CDH15: variants seen among roughly 807,000 people sequenced by gnomAD.
CDH15 encodes cadherin-15.
CDH15 carries 73 observed loss-of-function variants against 69.4 expected under a neutral mutation model. That is an observed-to-expected ratio of 1.05 (90% confidence interval 0.87 to 1.28). CDH15 has a LOEUF of 1.28. CDH15 is among the 50% of genes most tolerant of loss of function. The pLI is 0.00. For missense variants in CDH15, 1,343 were observed against 1,133.6 expected, an observed-to-expected ratio of 1.18 and a Z score of -2.65; for synonymous variants, 624 against 507.7, an observed-to-expected ratio of 1.23 and a Z score of -3.08.
intron 4 of CDH15, among the ~76,000 whole-genome samples, chr16:89,184,646 GTGCGTCCTCTGTTTTATCCTTCCCC>G (rs1915443523): frequency 6.6e-6 from 1 of 151,716 alleles, no homozygotes; most frequent in African/African-American, 2.4e-5. Context: ...TATCCTGTCC[GTGCGTCCTCTGTTTTATCCTTCCCC>G]TGCGTCCTCT....
chr16:89,185,306 C>G lies in CDH15; in HGVS notation c.636C>G (p.Arg212=). ...TCGACGAGCTCACAGGAGAGATCCG[C>G]ACAGTGCAAGTGGGGCTGGACCGCG... ...FSIDELTGEI[R]TVQVGLDREV... is the part of the protein sequence containing the mutation. The change falls in exon 5 of 14, where the codon CGC becomes CGG. Residue 212 remains arginine, a synonymous_variant. Coordinates refer to ENST00000289746, the MANE Select transcript of CDH15 (RefSeq NM_004933.3). 6.2e-7 allele frequency: 1 copy of G among 1,605,578 alleles called. No individual in the cohort carries two copies. Among genetic ancestry groups the G allele is most frequent in the Non-Finnish European group, 8.5e-7 (1 of 1,176,412 alleles).
At chr16:89,185,891 A>ATG (rs1460177863) in intron 5 of CDH15, 1 of 195,832 alleles carries the variant, frequency 5.1e-6, no homozygotes, top group African/African-American at 2.4e-5. Flanking sequence ...TGCTCTGTAA[A>ATG]CACCCAGCGC....
intron 13 of CDH15, 112 bp downstream of exon 13, chr16:89,194,025 T>A: frequency 8.1e-7 from 1 of 1,227,196 alleles, no homozygotes. Flanking sequence ...CATGCACTTA[T>A]GGGCCGTCCC....
chr16:89,184,673 G>A (rs1043597869), intron 4 of CDH15, among the ~76,000 whole-genome samples: 1 of 151,858 alleles, frequency 6.6e-6, no homozygotes, highest in African/African-American at 2.4e-5. Context: ...TCCTTCCCCT[G>A]CGTCCTCTGC....
At chr16:89,191,133 ATGTG>A (rs56851226) in intron 8 of CDH15, among the ~76,000 whole-genome samples, 193 bp from the exon 9 acceptor site, 16,122 of 151,298 alleles carry the variant, frequency 0.11, 1,293 homozygotes, top group Admixed American at 0.24. Context: ...ATGCCCATGT[ATGTG>A]TATGTGGTGT....
chr16:89,175,319 G>A (rs1204124495), intron 1 of CDH15, among the ~76,000 whole-genome samples: 1 of 152,230 alleles, frequency 6.6e-6, no homozygotes, highest in Non-Finnish European at 1.5e-5. Context: ...TCAGCCGTGT[G>A]GGGTTCCTAG....
At position 89,188,160 on chromosome 16, in the gene CDH15, G is replaced by A. The variant is rs1475336062; in HGVS notation, c.853G>A (p.Asp285Asn). ...GVDVGRLEVE[D>N]RDLPGSPNWV... ...GGATGTGGGACGCCTGGAAGTGGAG[G>A]ACAGGGACCTGCCAGGCTCCCCAAA... Residue 285 changes from aspartate to asparagine, a missense_variant, in exon 7 of 14, where the codon GAC becomes AAC. Physicochemically the swap from Asp to Asn is conservative, Grantham distance 23. Coordinates refer to ENST00000289746, the MANE Select transcript of CDH15 (RefSeq NM_004933.3). 1 of 1,613,478 alleles carries A rather than the reference G, an allele frequency of 6.2e-7. No individual in the cohort carries two copies. Among genetic ancestry groups the A allele is most frequent in the South Asian group, 1.1e-5 (1 of 90,990 alleles).
At position 89,195,145 on chromosome 16, in the gene CDH15, G is replaced by C. The variant is rs758154809; in HGVS notation, c.2435G>C (p.Arg812Pro). The change falls in exon 14 of 14, where the codon CGG (arginine) becomes CCG (proline). Residue 812 changes from arginine to proline, a missense_variant. Arg to Pro is a moderately radical substitution (Grantham distance 103). Transcript: ENST00000289746. ...PGALLPRHRG[R>P]TA ...GCACTGCTACCCAGACACAGAGGCC[G>C]GACAGCCTGACCCTGGGGCGCAACT... is the stretch of plus-strand genomic sequence containing the variant. The C allele has an allele frequency of 1.9e-6, 3 of 1,591,916 alleles. No individual in the cohort carries two copies. Among genetic ancestry groups the C allele is most frequent in the Non-Finnish European group, 2.6e-6 (3 of 1,169,164 alleles).
chr16:89,190,656 G>A (rs558032915), intron 8 of CDH15, among the ~76,000 whole-genome samples, 160 bp downstream of exon 8: 18 of 152,242 alleles, frequency 1.2e-4, no homozygotes, highest in African/African-American at 3.6e-4. Flanking sequence ...GAGCATGCCC[G>A]TGTGTGCATG....
chr16:89,193,531 G>A lies in CDH15; in HGVS notation c.1917G>A (p.Leu639=), dbSNP rs779926890. The part of the protein sequence containing the change: ...RFWKQSRGKG[L]LHGPQDDLRD... ...GGAAGCAGTCTCGGGGCAAGGGGCTGCTGCACGGCCCCCAGGACGACCTTC... is the reference window on the plus strand; with the variant it reads ...GGAAGCAGTCTCGGGGCAAGGGGCTACTGCACGGCCCCCAGGACGACCTTC... Residue 639 remains leucine, a synonymous_variant, in exon 12 of 14, where the codon CTG becomes CTA. Coordinates refer to ENST00000289746, the MANE Select transcript of CDH15 (RefSeq NM_004933.3). The A allele has an allele frequency of 6.2e-7, 1 of 1,612,090 alleles. No homozygotes were observed. The highest frequency in any genetic ancestry group is 1.7e-5 in the Admixed American group (1 of 59,976).
chr16:89,195,229 C>A lies in CDH15; in HGVS notation c.*74C>A. Reference sequence around the variant, plus strand: ...GGCCCCTGCAGAGGCAGCCTGAGGTCACCGGGCCCGACCCCCCTGGGCCTG... The same window carrying A: ...GGCCCCTGCAGAGGCAGCCTGAGGTAACCGGGCCCGACCCCCCTGGGCCTG... On this transcript the variant is annotated 3_prime_UTR_variant, in exon 14 of 14. Coordinates refer to ENST00000289746, the MANE Select transcript of CDH15 (RefSeq NM_004933.3). The A allele has an allele frequency of 7.0e-7, 1 of 1,432,504 alleles. No individual in the cohort carries two copies. The highest frequency in any genetic ancestry group is 9.2e-7 in the Non-Finnish European group (1 of 1,084,884). The allele number at this position is 1,432,504 out of a possible 1,614,324, so 88.7% of individuals were successfully genotyped here.
In CDH15 at chr16:89,179,469, C is replaced by T; in HGVS notation, c.96C>T (p.Tyr32=). 1 of 1,613,564 alleles carries T rather than the reference C, an allele frequency of 6.2e-7. No individual in the cohort carries two copies. The highest frequency in any genetic ancestry group is 8.5e-7 in the Non-Finnish European group (1 of 1,179,902). ...GATGGAGGAGGCCCACCACCCTGTA[C>T]CCCTGGCGCCGGGCGCCTGCCCTGA... ...VPGWRRPTTL[Y]PWRRAPALSR... is the part of the protein sequence containing the mutation. Residue 32 remains tyrosine (Y), a synonymous_variant, in exon 2 of 14, where the codon TAC becomes TAT. Transcript: ENST00000289746.
intron 8 of CDH15, 106 bp downstream of exon 8, chr16:89,190,602 A>G (rs1915617048): frequency 1.4e-6 from 2 of 1,395,598 alleles, no homozygotes; most frequent in African/African-American, 1.4e-5. Flanking sequence ...TGTAGGGGCC[A>G]TTTGCTGTGT....
Position 89,188,123 on chromosome 16 carries a change from C to A in CDH15, c.816C>A (p.Ala272=), listed in dbSNP as rs998006949. 1 of 1,612,530 alleles carries A rather than the reference C, an allele frequency of 6.2e-7. No homozygotes were observed. Among genetic ancestry groups the A allele is most frequent in the African/African-American group, 1.3e-5 (1 of 74,908 alleles). The change falls in exon 7 of 14, where the codon GCC becomes GCA. Residue 272 remains alanine, a synonymous_variant. Transcript: ENST00000289746. ...RDEFFMEAIE[A]VSGVDVGRLE... ...AGTTCTTCATGGAGGCCATAGAGGC[C>A]GTCAGCGGAGTGGATGTGGGACGCC...
In CDH15 at chr16:89,192,344, C is replaced by T; in HGVS notation, c.1755C>T (p.Asp585=). The T allele has an allele frequency of 1.3e-6, 2 of 1,535,930 alleles. No homozygotes were observed. Among genetic ancestry groups the T allele is most frequent in the African/African-American group, 1.4e-5 (1 of 73,122 alleles). The change falls in exon 11 of 14, where the codon GAC becomes GAT. Residue 585 remains aspartate (D), a synonymous_variant. Transcript: ENST00000289746. ...TGACCGTGTGCCGCTGCGGCAAGGA[C>T]GGCGTCTGCCTGCCGGGGGCCGCAG... The part of the protein sequence containing the change: ...LNVTVCRCGK[D]GVCLPGAAAL...
intron 1 of CDH15, among the ~76,000 whole-genome samples, chr16:89,174,893 G>T (rs1337455306): frequency 6.6e-6 from 1 of 152,172 alleles, no homozygotes; most frequent in Non-Finnish European, 1.5e-5. Flanking sequence ...ATGTGGCTTT[G>T]TCCTGGGCAC....
intron 6 of CDH15, 34 bp downstream of exon 6, chr16:89,187,591 C>T (rs1488309638): frequency 1.2e-6 from 2 of 1,612,140 alleles, no homozygotes; most frequent in South Asian, 1.1e-5. Context: ...AAAGTAGCCC[C>T]TGCTTAGAGC....
Position 89,171,887 on chromosome 16 carries a change from A to T in CDH15, c.42+14A>T, listed in dbSNP as rs1219207919. The stretch of plus-strand genomic sequence containing the variant: ...CTGTTGGCCCAGGTAAGGCATCGGC[A>T]CCTGCGGGGGTCCCCGCTGCCTCCC... On this transcript the variant is annotated intron_variant, in intron 1 of 13. Coordinates refer to ENST00000289746, the MANE Select transcript of CDH15 (RefSeq NM_004933.3). The T allele has an allele frequency of 6.4e-7, 1 of 1,552,032 alleles. No individual in the cohort carries two copies. The highest frequency in any genetic ancestry group is 2.4e-5 in the East Asian group (1 of 41,518).
intron 1 of CDH15, among the ~76,000 whole-genome samples, chr16:89,177,895 G>C (rs1201157297): frequency 6.6e-6 from 1 of 152,056 alleles, no homozygotes; most frequent in Non-Finnish European, 1.5e-5. Flanking sequence ...CCCAGGCTCG[G>C]GGGTCCCAAG....
Sources: gnomAD v4.1 joint callset for allele counts (sites outside exome capture counted in the v4.1 genomes callset) on GRCh38, gnomAD v4.1.1 for gene constraint, MANE v1.5 for transcripts, NCBI Gene and HGNC (gene_info 2026-07-23, HGNC 2026-07-21) for gene names.